FAM227B: variants seen among roughly 807,000 people sequenced by gnomAD.
FAM227B encodes the protein protein FAM227B.
A neutral mutation model predicts 73.8 loss-of-function variants in FAM227B; 88 were observed. The ratio of observed to expected loss-of-function variants is 1.19; its 90% confidence interval spans 1.00 to 1.42. FAM227B has a LOEUF of 1.42. FAM227B is among the 40% of genes most tolerant of loss of function. FAM227B has a pLI of 0.00. For synonymous variants in FAM227B, 210 were observed against 190.5 expected (o/e 1.10, Z -0.84); for missense variants, 632 against 590.9 (o/e 1.07, Z -0.72).
Position 49,328,183 on chromosome 15 carries a change from A to G in FAM227B, c.*385T>C, listed in dbSNP as rs946133210. 7 of 1,601,260 alleles carry G rather than the reference A, an allele frequency of 4.4e-6. No homozygotes were observed. In the African/African-American group the frequency reaches 9.4e-5, roughly 21 times the overall value. Reference sequence around the variant, plus strand: ...GAAAAAATGTAAAAAGTCTGAGAGAAACTACTTAGGGCACTTAGGAATTGG... The same window carrying G: ...GAAAAAATGTAAAAAGTCTGAGAGAGACTACTTAGGGCACTTAGGAATTGG... On this transcript the variant is annotated 3_prime_UTR_variant, in exon 16 of 16. Transcript: ENST00000299338.
chr15:49,614,690 T>C (rs752093354), intron 2 of FAM227B: 1 of 160,242 alleles, frequency 6.2e-6, no homozygotes. Flanking sequence ...GTCAAGGAAC[T>C]AAAACATACC....
intron 11 of FAM227B, among the ~76,000 whole-genome samples, chr15:49,481,384 C>T (rs2152014151): frequency 6.6e-6 from 1 of 152,310 alleles, no homozygotes; most frequent in South Asian, 2.1e-4. Flanking sequence ...TATTCTTCTG[C>T]ATGTTATTTC....
At chr15:49,443,092 A>G (rs1332956395) in intron 11 of FAM227B, among the ~76,000 whole-genome samples, 1 of 151,702 alleles carries the variant, frequency 6.6e-6, no homozygotes, top group Non-Finnish European at 1.5e-5. Flanking sequence ...AAGTAGGGTG[A>G]CCATATTTGG....
intron 11 of FAM227B, among the ~76,000 whole-genome samples, chr15:49,456,417 A>T (rs1156919635): frequency 6.6e-6 from 1 of 152,148 alleles, no homozygotes; most frequent in Non-Finnish European, 1.5e-5. Context: ...AGGGTTAAGG[A>T]AGGTTAATGT....
intron 9 of FAM227B, among the ~76,000 whole-genome samples, chr15:49,546,532 A>T (rs2071917287): frequency 6.6e-6 from 1 of 152,350 alleles, no homozygotes; most frequent in East Asian, 1.9e-4. Context: ...AGGAATCACC[A>T]CACTGACTTC....
chr15:49,460,705 A>G (rs1192345345), intron 11 of FAM227B, among the ~76,000 whole-genome samples: 1 of 152,192 alleles, frequency 6.6e-6, no homozygotes, highest in Non-Finnish European at 1.5e-5. Flanking sequence ...CATGTATATA[A>G]TAATTAAACA....
At chr15:49,424,461 G>T (rs1567249491) in intron 11 of FAM227B, 1 of 1,613,538 alleles carries the variant, frequency 6.2e-7, no homozygotes, top group Non-Finnish European at 8.5e-7. Flanking sequence ...CACACAAGAA[G>T]TTATGATTAC....
intron 11 of FAM227B, among the ~76,000 whole-genome samples, chr15:49,444,739 C>G (rs1212536520): frequency 1.3e-5 from 2 of 151,596 alleles, no homozygotes; most frequent in African/African-American, 4.8e-5. Context: ...AAATAAATTG[C>G]AAATATCTCC....
At chr15:49,473,594 G>A (rs914066350) in intron 11 of FAM227B, among the ~76,000 whole-genome samples, 4 of 151,922 alleles carry the variant, frequency 2.6e-5, no homozygotes, top group African/African-American at 9.7e-5. Flanking sequence ...CTCACGTTTT[G>A]GAGGGGTATA....
rs557485315 is a variant in FAM227B, at chr15:49,374,699, T to C, written c.1013-3300A>G. ...TTGAGATTACAGGTGTTCACCACCA[T>C]GGCCAGCTGATTTTTACTATTTTTA... On this transcript the variant is annotated intron_variant, in intron 11 of 15. Transcript: ENST00000299338. 5.3e-5 allele frequency among the ~76,000 whole-genome samples: 8 copies of C among 152,296 alleles called. No individual in the cohort carries two copies. The East Asian group carries it at 1.6e-3, about 30-fold the overall frequency.
chr15:49,479,580 T>A (rs1294120227), intron 11 of FAM227B, among the ~76,000 whole-genome samples: 1 of 150,898 alleles, frequency 6.6e-6, no homozygotes, highest in Non-Finnish European at 1.5e-5. Flanking sequence ...GAGGGTAGGA[T>A]TTCATAGTTA....
At chr15:49,430,650 G>A (rs1597139066) in intron 11 of FAM227B, among the ~76,000 whole-genome samples, 1 of 151,888 alleles carries the variant, frequency 6.6e-6, no homozygotes, top group East Asian at 1.9e-4. Context: ...TCATTCCATG[G>A]TGGAAGGTAG....
Position 49,525,665 on chromosome 15 carries a change from A to AAT in FAM227B, c.874+16013_874+16014dup, listed in dbSNP as rs57123974. Among the ~76,000 whole-genome samples, 330 of 80,938 alleles carry AAT rather than the reference A, an allele frequency of 4.1e-3. 2 individuals are homozygous for AAT. The highest frequency in any genetic ancestry group is 9.8e-3 in the African/African-American group (138 of 14,108). The allele number at this position is 80,938 out of a possible 152,430, so 53.1% of individuals were successfully genotyped here. ...GAGACTCAAAGTTAAAGGGTGGAGA[A>AAT]ATATATATATATATATATATATATA... On this transcript the variant is annotated intron_variant, in intron 10 of 15. Coordinates refer to ENST00000299338, the MANE Select transcript of FAM227B (RefSeq NM_152647.3).
chr15:49,465,690 A>G, intron 11 of FAM227B, among the ~76,000 whole-genome samples: 1 of 152,220 alleles, frequency 6.6e-6, no homozygotes, highest in Non-Finnish European at 1.5e-5. Context: ...ATAAAGTATT[A>G]TTTAAATTAA....
At chr15:49,571,457 GTTTTC>G (rs952815114) in intron 8 of FAM227B, among the ~76,000 whole-genome samples, 5 of 151,754 alleles carry the variant, frequency 3.3e-5, no homozygotes, top group African/African-American at 9.7e-5. Context: ...CTTTTCCTCT[GTTTTC>G]TTCTAGTAGT....
intron 11 of FAM227B, among the ~76,000 whole-genome samples, chr15:49,397,806 T>C (rs968168046): frequency 1.3e-5 from 2 of 152,120 alleles, no homozygotes; most frequent in African/African-American, 4.8e-5. Flanking sequence ...CTGAGACATT[T>C]TGTCACCACC....
chr15:49,572,944 T>A (rs976235063), intron 8 of FAM227B, among the ~76,000 whole-genome samples: 1 of 151,890 alleles, frequency 6.6e-6, no homozygotes, highest in Non-Finnish European at 1.5e-5. Flanking sequence ...TTCTCTCTGA[T>A]CTTTATTATT....
intron 2 of FAM227B, 89 bp downstream of exon 2, chr15:49,615,032 C>T (rs1227901020): frequency 8.3e-7 from 1 of 1,210,328 alleles, no homozygotes; most frequent in African/African-American, 1.5e-5. Context: ...AGTGACAAAG[C>T]CAGCTCTACC....
intron 11 of FAM227B, among the ~76,000 whole-genome samples, chr15:49,482,556 G>A (rs898218822): frequency 2.0e-4 from 30 of 151,976 alleles, no homozygotes; most frequent in African/African-American, 7.2e-4. Flanking sequence ...ATATTCAAGA[G>A]CTATTCTGTT....
Sources: allele counts gnomAD v4.1 joint callset (sites outside exome capture counted in the v4.1 genomes callset), GRCh38; gene constraint gnomAD v4.1.1; transcripts MANE v1.5; gene names NCBI Gene and HGNC (gene_info 2026-07-23, HGNC 2026-07-21).